RIMBP2: variants seen among roughly 807,000 people sequenced by gnomAD.
The protein encoded by RIMBP2 is RIMS-binding protein 2.
Under a neutral mutation model 118.6 loss-of-function variants are expected in RIMBP2, and 48 were observed. The ratio of observed to expected loss-of-function variants is 0.40; its 90% CI spans 0.32 to 0.51. RIMBP2 has a LOEUF of 0.51. Among genes scored for constraint, RIMBP2 ranks in the 20% least tolerant of loss-of-function variants. The pLI, the probability that RIMBP2 is intolerant of heterozygous loss-of-function variation, is 0.41. For missense variants in RIMBP2, 1,551 were observed against 1,768.3 expected, an observed-to-expected ratio of 0.88 and a Z score of 2.20; for synonymous variants, 762 against 742.9, an observed-to-expected ratio of 1.03 and a Z score of -0.42.
At position 130,451,210 on chromosome 12, in the gene RIMBP2, G is replaced by A; in HGVS notation, c.489C>T (p.Cys163=). ...TFLSRSGSAR[C]RSESDMENER... is the part of the protein sequence containing the mutation. Reference sequence around the variant, plus strand: ...CGGGACTCACGTCTGACTCAGATCTGCATCTTGCGCTACCGGATCTCGACA... The same window carrying A: ...CGGGACTCACGTCTGACTCAGATCTACATCTTGCGCTACCGGATCTCGACA... Residue 163 remains cysteine, a synonymous_variant, in exon 8 of 23, where the codon TGC becomes TGT. Transcript: ENST00000690449. The A allele has an allele frequency of 6.2e-7, 1 of 1,613,942 alleles. No homozygotes were observed. Among genetic ancestry groups the A allele is most frequent in the Non-Finnish European group, 8.5e-7 (1 of 1,179,938 alleles).
At chr12:130,701,839 G>A (rs538907284) in intron 1 of RIMBP2, among the ~76,000 whole-genome samples, 85 of 152,188 alleles carry the variant, frequency 5.6e-4, no homozygotes, top group Non-Finnish European at 8.8e-4. Context: ...CCAAGGAGCC[G>A]GGATCAGGGT....
chr12:130,502,925 T>G (rs1035663654), intron 4 of RIMBP2, among the ~76,000 whole-genome samples: 1 of 152,148 alleles, frequency 6.6e-6, no homozygotes, highest in African/African-American at 2.4e-5. Flanking sequence ...TTGGTAGGGA[T>G]GGAGGGGACA....
At chr12:130,535,732 T>TATATATATATACACATATAC (rs1566217884) in intron 2 of RIMBP2, among the ~76,000 whole-genome samples, 12 of 19,486 alleles carry the variant, frequency 6.2e-4, no homozygotes, top group Non-Finnish European at 9.3e-4. Flanking sequence ...TATATACATA[T>TATATATATATACACATATAC]ATATACATAT....
chr12:130,589,500 C>T (rs940145265), intron 2 of RIMBP2, among the ~76,000 whole-genome samples: 1 of 152,148 alleles, frequency 6.6e-6, no homozygotes, highest in African/African-American at 2.4e-5. Context: ...TAGGGTCAGC[C>T]CCAGGACGAG....
chr12:130,688,561 C>T lies in RIMBP2; in HGVS notation c.-352+27661G>A, dbSNP rs1185804635. 1.3e-5 allele frequency among the ~76,000 whole-genome samples: 2 copies of T among 151,542 alleles called. No individual in the cohort carries two copies. Among genetic ancestry groups the T allele is most frequent in the African/African-American group, 4.9e-5 (2 of 41,094 alleles). The stretch of plus-strand genomic sequence containing the variant: ...CGTCTTCACCCCTCCATCCGTTACC[C>T]CCTGTCAGTTACCCCGGGTGACCCT... On this transcript the variant is annotated intron_variant, in intron 1 of 22. Transcript: ENST00000690449. This position sits in a 1 kb window ranked among gnomAD's most constrained non-coding sequence, Gnocchi z 4.7.
chr12:130,560,039 T>C (rs1384355331), intron 2 of RIMBP2, among the ~76,000 whole-genome samples: 1 of 152,182 alleles, frequency 6.6e-6, no homozygotes, highest in Non-Finnish European at 1.5e-5. Flanking sequence ...GGCAGACAGC[T>C]GGTCAGCGGC....
intron 2 of RIMBP2, among the ~76,000 whole-genome samples, chr12:130,593,156 C>T (rs1341665866): frequency 6.6e-6 from 1 of 152,264 alleles, no homozygotes; most frequent in Non-Finnish European, 1.5e-5. Flanking sequence ...TCACCCACTC[C>T]TCATGGCCTG....
intron 12 of RIMBP2, 30 bp downstream of exon 12, chr12:130,438,335 A>ACGGGGGCCCCCCCCC: frequency 2.3e-6 from 2 of 865,010 alleles, no homozygotes; most frequent in African/African-American, 1.7e-5. Context: ...GGCCTAACAA[A>ACGGGGGCCCCCCCCC]CCCTCCCCAC....
rs994208420 is a variant in RIMBP2 at position 130,424,651 on chromosome 12, T to C, written c.2620A>G (p.Arg874Gly). Residue 874 changes from arginine (R) to glycine (G), a missense_variant, in exon 16 of 23, where the codon AGG (arginine) becomes GGG (glycine). By Grantham distance (125) the Arg-to-Gly change is moderately radical (BLOSUM62 -2). This residue lies in a region of RIMBP2 where 1,038 missense variants were observed against 1,125.1 expected (regional missense o/e 0.92). Transcript: ENST00000690449. The surrounding 1 kb of genome is among the most constrained non-coding windows in gnomAD (Gnocchi z 9.8). ...GAGCCCCGAGGGGCCTCGTCGCCCCTGTAGGGCCTGCCGGGCCTGGGCTCT... is the reference window on the plus strand; with the variant it reads ...GAGCCCCGAGGGGCCTCGTCGCCCCCGTAGGGCCTGCCGGGCCTGGGCTCT... The part of the protein sequence containing the change: ...AREPRPGRPY[R>G]GDEAPRGSWF... The C allele has an allele frequency of 1.1e-5, 14 of 1,231,534 alleles. No individual in the cohort carries two copies. Among genetic ancestry groups the C allele is most frequent in the Non-Finnish European group, 1.4e-5 (14 of 987,788 alleles). The allele number at this position is 1,231,534 out of a possible 1,614,324, so 76.3% of individuals were successfully genotyped here. A position where few individuals can be genotyped will look rare whatever the true frequency, so the allele number is the denominator to read the frequency against.
At chr12:130,639,674 G>C (rs1001846084) in intron 1 of RIMBP2, among the ~76,000 whole-genome samples, 2 of 152,030 alleles carry the variant, frequency 1.3e-5, no homozygotes, top group Non-Finnish European at 2.9e-5. Flanking sequence ...GGCAGCTCGG[G>C]GGCTGGGACT....
Position 130,648,143 on chromosome 12 carries a change from CAT to C in RIMBP2, c.-351-19689_-351-19688del, listed in dbSNP as rs772711218. On this transcript the variant is annotated intron_variant, in intron 1 of 22. Transcript: ENST00000690449. ...GATTATGAGTTCCTAAACTTTTACA[CAT>C]CTTTCTTTTCTAAATTTTCAACAGT... Among the ~76,000 whole-genome samples the C allele has an allele frequency of 1.1e-3, 161 of 141,998 alleles. 25 individuals are homozygous for C. In the Middle Eastern group the frequency reaches 0.015, roughly 13 times the overall value. The allele number at this position is 141,998 out of a possible 152,430, so 93.2% of individuals were successfully genotyped here.
chr12:130,553,317 C>T (rs1236293634), intron 2 of RIMBP2, among the ~76,000 whole-genome samples: 4 of 152,100 alleles, frequency 2.6e-5, no homozygotes, highest in Admixed American at 2.0e-4. Flanking sequence ...CTATCAAATG[C>T]CTCTTTCTGC....
At chr12:130,408,232 C>T (rs1434803349) in intron 19 of RIMBP2, among the ~76,000 whole-genome samples, 1 of 152,202 alleles carries the variant, frequency 6.6e-6, no homozygotes, top group African/African-American at 2.4e-5. Context: ...CCCATAGACA[C>T]AGTTTTAAAA....
intron 1 of RIMBP2, among the ~76,000 whole-genome samples, chr12:130,673,732 G>T (rs551805891): frequency 1.3e-5 from 2 of 152,190 alleles, no homozygotes; most frequent in Non-Finnish European, 2.9e-5. Flanking sequence ...CCTGGTGGGA[G>T]GTGCCTGGAT....
In RIMBP2 at chr12:130,413,953, C is replaced by G. The variant is rs1049586878; in HGVS notation, c.3420+172G>C. ...GGCAGATGCTGGAGAAGGCACTTTG[C>G]AGAGGGCAGGGCCCTTGCCGTCACA... On this transcript the variant is annotated intron_variant, in intron 18 of 22. Coordinates refer to ENST00000690449, the MANE Select transcript of RIMBP2 (RefSeq NM_001393629.1). 6.6e-5 allele frequency among the ~76,000 whole-genome samples: 10 copies of G among 152,218 alleles called. No individual in the cohort carries two copies. The South Asian group carries it at 1.0e-3, about 16-fold the overall frequency.
At chr12:130,451,059 G>C in intron 8 of RIMBP2, 136 bp downstream of exon 8, 3 of 1,037,642 alleles carry the variant, frequency 2.9e-6, no homozygotes, top group Non-Finnish European at 4.2e-6. Flanking sequence ...GGAATTAACA[G>C]GGGCAAAGGG....
intron 2 of RIMBP2, among the ~76,000 whole-genome samples, chr12:130,535,768 T>TATAC (rs2054013398): frequency 1.6e-5 from 2 of 122,438 alleles, no homozygotes; most frequent in African/African-American, 6.1e-5. Flanking sequence ...TATATATATA[T>TATAC]ATATATATAT....
intron 2 of RIMBP2, among the ~76,000 whole-genome samples, chr12:130,535,694 CAT>C (rs1211320863): frequency 1.4e-5 from 2 of 139,750 alleles, no homozygotes; most frequent in African/African-American, 5.5e-5. Context: ...TACACATATA[CAT>C]ATATATACAC....
At chr12:130,439,302 T>G (rs978397813) in intron 11 of RIMBP2, among the ~76,000 whole-genome samples, 2 of 151,846 alleles carry the variant, frequency 1.3e-5, no homozygotes, top group Admixed American at 6.6e-5. Flanking sequence ...TGTGGGTGTG[T>G]GTGTGGGTGT....
Sources: allele counts gnomAD v4.1 joint callset (sites outside exome capture counted in the v4.1 genomes callset), GRCh38; gene constraint gnomAD v4.1.1; regional missense constraint gnomAD v4.1.1; non-coding constraint Gnocchi (gnomAD v3.1); transcripts MANE v1.5; gene names NCBI Gene and HGNC (gene_info 2026-07-23, HGNC 2026-07-21).